The following GPR19 variants were observed in gnomAD, a reference collection of about 807,000 sequenced individuals.
GPR19 encodes the protein G protein-coupled receptor 19, also known as probable G protein-coupled receptor 19.
Under a neutral mutation model 28.5 loss-of-function variants are expected in GPR19, and 14 were observed. The observed-to-expected ratio is 0.49, with a 90% CI of 0.32 to 0.77. The LOEUF (loss-of-function observed/expected upper bound fraction) is 0.77. Among genes scored for constraint, GPR19 ranks in the 30% least tolerant of loss-of-function variants. The pLI, the probability that GPR19 is intolerant of heterozygous loss-of-function variation, is 0.03. For missense variants in GPR19, 409 were observed against 504.1 expected (o/e 0.81, Z 1.81); for synonymous variants, 173 against 184.1 (o/e 0.94, Z 0.49).
chr12:12,690,058 C>T (rs1042501858), intron 2 of GPR19, among the ~76,000 whole-genome samples: 1 of 152,228 alleles, frequency 6.6e-6, no homozygotes, highest in Non-Finnish European at 1.5e-5. Context: ...AAGCTGTTCC[C>T]AAATTCCTGA....
chr12:12,702,868 T>C, the GPR19 span, among the ~76,000 whole-genome samples: 1 of 152,262 alleles, frequency 6.6e-6, no homozygotes, highest in African/African-American at 2.4e-5. Context: ...TTCACTTGGA[T>C]GTACCGTATA....
intron 3 of GPR19, among the ~76,000 whole-genome samples, chr12:12,663,169 C>T (rs1318041840): frequency 6.6e-6 from 1 of 152,140 alleles, no homozygotes; most frequent in Non-Finnish European, 1.5e-5. Flanking sequence ...CTACCAGTGA[C>T]ATATATTTTG....
intron 3 of GPR19, among the ~76,000 whole-genome samples, chr12:12,671,265 C>T (rs1033889704): frequency 6.6e-6 from 1 of 150,756 alleles, no homozygotes; most frequent in Non-Finnish European, 1.5e-5. Context: ...GAGATTACAC[C>T]ACTGCACTCC....
chr12:12,694,326 G>A (rs1946231774), intron 2 of GPR19, among the ~76,000 whole-genome samples: 1 of 150,206 alleles, frequency 6.7e-6, no homozygotes, highest in East Asian at 2.0e-4. Flanking sequence ...AGCCTCTGGA[G>A]TAGCTGGGTC....
upstream of GPR19, among the ~76,000 whole-genome samples, chr12:12,698,503 C>T (rs1320506234): frequency 1.3e-5 from 2 of 152,156 alleles, no homozygotes; most frequent in Non-Finnish European, 2.9e-5. Context: ...AAAGAAATTG[C>T]CAAATAATGA....
intron 3 of GPR19, among the ~76,000 whole-genome samples, chr12:12,674,209 CAA>C (rs35775784): frequency 0.035 from 1,909 of 53,922 alleles, 28 homozygotes; most frequent in African/African-American, 0.14. Context: ...GACTTTGTCT[CAA>C]AAAAAAAAAA....
At chr12:12,707,211 A>C in the GPR19 span, among the ~76,000 whole-genome samples, 1 of 152,216 alleles carries the variant, frequency 6.6e-6, no homozygotes, top group Admixed American at 6.5e-5. Context: ...CCATGCTCTC[A>C]TTCCATTCAG....
the GPR19 span, among the ~76,000 whole-genome samples, chr12:12,712,320 A>G: frequency 6.6e-6 from 1 of 152,134 alleles, no homozygotes; most frequent in South Asian, 2.1e-4. Context: ...TGTCTGTCAT[A>G]TCACCCTCAG....
At chr12:12,674,945 T>A (rs1217559824) in intron 3 of GPR19, among the ~76,000 whole-genome samples, 1 of 152,152 alleles carries the variant, frequency 6.6e-6, no homozygotes, top group Non-Finnish European at 1.5e-5. Flanking sequence ...GAGAGCATGG[T>A]GAGGACCCTC....
the GPR19 span, chr12:12,716,874 G>T: frequency 1.0e-6 from 1 of 984,494 alleles, no homozygotes; most frequent in Non-Finnish European, 1.2e-6. Flanking sequence ...ACGCTCCGCG[G>T]CCTCCCCCGC....
At chr12:12,689,698 T>A (rs1946155776) in intron 2 of GPR19, among the ~76,000 whole-genome samples, 2 of 152,214 alleles carry the variant, frequency 1.3e-5, no homozygotes, top group Admixed American at 6.5e-5. Context: ...CATTAGATTT[T>A]AGATGTGAAA....
chr12:12,671,146 A>T (rs1223725589), intron 3 of GPR19, among the ~76,000 whole-genome samples: 3 of 151,782 alleles, frequency 2.0e-5, no homozygotes, highest in African/African-American at 4.8e-5. Context: ...TAAAAATAAA[A>T]AAAAAAAAAA....
At chr12:12,692,143 G>C (rs1020771621) in intron 2 of GPR19, among the ~76,000 whole-genome samples, 6 of 152,180 alleles carry the variant, frequency 3.9e-5, no homozygotes, top group African/African-American at 1.4e-4. Context: ...ACTAACATGA[G>C]CTGCCATCAG....
intron 3 of GPR19, among the ~76,000 whole-genome samples, chr12:12,663,347 G>A (rs1254886456): frequency 6.6e-6 from 1 of 151,708 alleles, no homozygotes; most frequent in East Asian, 1.9e-4. Context: ...TATAGTCCCA[G>A]CTACTCAGAA....
At chr12:12,688,712 A>T (rs1437529850) in intron 2 of GPR19, 1 of 152,302 alleles carries the variant, frequency 6.6e-6, no homozygotes, top group Non-Finnish European at 1.5e-5. Context: ...TGCTGAACTA[A>T]CAGCCAGTAG....
chr12:12,676,345 A>G (rs74581040), intron 3 of GPR19, among the ~76,000 whole-genome samples: 1 of 152,244 alleles, frequency 6.6e-6, no homozygotes. Flanking sequence ...CAGCTCTATG[A>G]GCAAAAAGTG....
chr12:12,685,946 G>A (rs919441233), intron 2 of GPR19, among the ~76,000 whole-genome samples: 2 of 152,196 alleles, frequency 1.3e-5, no homozygotes, highest in African/African-American at 2.4e-5. Context: ...GGAACAATGT[G>A]TGGATTCTTT....
rs371334658 is a variant in GPR19 at position 12,662,092 on chromosome 12, C to T, written c.357G>A (p.Thr119=). 9.7e-5 allele frequency: 156 copies of T among 1,614,182 alleles called. 1 individual carries two copies. Among genetic ancestry groups the T allele is most frequent in the South Asian group, 7.5e-4 (68 of 91,084 alleles). ...CADLLISVAS[T]PFVLLQFTTG... ...TGGTGAACTGGAGCAGGACGAAAGGCGTGCTGGCAACGCTGATGAGAAGGT... is the reference window on the plus strand; with the variant it reads ...TGGTGAACTGGAGCAGGACGAAAGGTGTGCTGGCAACGCTGATGAGAAGGT... Residue 119 remains threonine (T), a synonymous_variant, in exon 4 of 4, where the codon ACG becomes ACA. Coordinates refer to ENST00000651487, the MANE Select transcript of GPR19 (RefSeq NM_006143.3).
intron 3 of GPR19, among the ~76,000 whole-genome samples, chr12:12,671,982 G>A (rs534944474): frequency 8.3e-4 from 127 of 152,304 alleles, no homozygotes; most frequent in African/African-American, 3.0e-3. Flanking sequence ...AAGCCGTGAG[G>A]ACCATCAGTA....
Sources: gnomAD v4.1 joint callset for allele counts (sites outside exome capture counted in the v4.1 genomes callset) on GRCh38, gnomAD v4.1.1 for gene constraint, MANE v1.5 for transcripts, NCBI Gene and HGNC (gene_info 2026-07-23, HGNC 2026-07-21) for gene names.